RNF168: variants seen among roughly 807,000 people sequenced by gnomAD.
RNF168 encodes the protein ring finger protein 168.
In RNF168, 34 loss-of-function variants were observed where a neutral mutation model predicts 34.9. That is an observed-to-expected ratio of 0.97 (90% CI 0.74 to 1.30). The LOEUF (loss-of-function observed/expected upper bound fraction) is 1.30, where lower values mean the gene tolerates loss of function less well. Ranked by LOEUF, RNF168 falls within the 50% of genes most tolerant of loss-of-function variation. The pLI is 0.00. For synonymous variants in RNF168, 264 were observed against 254.7 expected (o/e 1.04, Z -0.35); for missense variants, 725 against 682.5 (o/e 1.06, Z -0.69).
chr3:196,485,613 A>G (rs1732404212), intron 3 of RNF168, among the ~76,000 whole-genome samples: 1 of 152,052 alleles, frequency 6.6e-6, no homozygotes, highest in Non-Finnish European at 1.5e-5. Context: ...AATGACTTTT[A>G]TTTAGTTTCC....
chr3:196,503,634 C>G lies in RNF168; in HGVS notation c.-461G>C, dbSNP rs1732962711. Reference sequence around the variant, plus strand: ...CAGCATAACTTCCGCTTTACCGCTGCTGCGGGGGAGACGCGCGACTCCCGT... The same window carrying G: ...CAGCATAACTTCCGCTTTACCGCTGGTGCGGGGGAGACGCGCGACTCCCGT... On this transcript the variant is annotated 5_prime_UTR_variant, in exon 1 of 6. Coordinates refer to ENST00000318037, the MANE Select transcript of RNF168 (RefSeq NM_152617.4). The G allele has an allele frequency of 1.8e-5, 4 of 220,314 alleles. No individual in the cohort carries two copies. The highest frequency in any genetic ancestry group is 3.7e-5 in the Non-Finnish European group (4 of 107,358). 13.6% of individuals were successfully genotyped at this position (220,314 alleles called of 1,614,324 possible).
chr3:196,483,496 C>A (rs9877313), intron 4 of RNF168, among the ~76,000 whole-genome samples: 3,259 of 152,140 alleles, frequency 0.021, 121 homozygotes, highest in African/African-American at 0.075. Context: ...GAATTTAAAC[C>A]AAGAGAAAGA....
rs183855334 is a variant in RNF168 at position 196,474,163 on chromosome 3, T to A, written c.762+1068A>T. ...TTTTTTTTGAGGTGGAGTCTCACTCTGTCATCCAGGCTGGAGTGCAATGGC... is the reference window on the plus strand; with the variant it reads ...TTTTTTTTGAGGTGGAGTCTCACTCAGTCATCCAGGCTGGAGTGCAATGGC... On this transcript the variant is annotated intron_variant, in intron 5 of 5. Transcript: ENST00000318037. Among the ~76,000 whole-genome samples the A allele has an allele frequency of 8.7e-3, 1,293 of 148,270 alleles. 9 individuals are homozygous for A. Among genetic ancestry groups the A allele is most frequent in the Non-Finnish European group, 0.014 (973 of 67,426 alleles).
At chr3:196,495,176 C>T (rs930457820) in intron 1 of RNF168, among the ~76,000 whole-genome samples, 7 of 150,036 alleles carry the variant, frequency 4.7e-5, no homozygotes, top group Admixed American at 4.7e-4. Context: ...CATTGCCTTT[C>T]GTGTGTGTGT....
At chr3:196,499,831 G>A (rs1732835380) in intron 1 of RNF168, among the ~76,000 whole-genome samples, 1 of 152,176 alleles carries the variant, frequency 6.6e-6, no homozygotes, top group Admixed American at 6.5e-5. Context: ...GAATGAATGA[G>A]CACAGGATTT....
intron 1 of RNF168, among the ~76,000 whole-genome samples, chr3:196,490,050 G>A (rs989927296): frequency 3.9e-5 from 6 of 152,158 alleles, no homozygotes; most frequent in Admixed American, 1.3e-4. Context: ...TGAACTCAAC[G>A]TCTGCCCATC....
chr3:196,486,194 A>G (rs1732416749), intron 3 of RNF168, among the ~76,000 whole-genome samples: 1 of 152,240 alleles, frequency 6.6e-6, no homozygotes, highest in Non-Finnish European at 1.5e-5. Flanking sequence ...TGTGATTTAC[A>G]TCCATAAAAT....
rs1732037042 is a variant in RNF168, at chr3:196,472,573, T to C, written c.962A>G (p.His321Arg). The change falls in exon 6 of 6, where the codon CAT becomes CGT. Residue 321 changes from histidine (H) to arginine (R), a missense_variant. Physicochemically the swap from His to Arg is conservative, Grantham distance 29. Transcript: ENST00000318037. ...ACTTAAGACACATAACTCTTTCCCA[T>C]GATTGCTTGGTCTTGTTTTGACGTT... is the stretch of plus-strand genomic sequence containing the variant. ...EGNVKTRPSNHGKELCVLSHE... is the reference protein window; with the variant it reads ...EGNVKTRPSNRGKELCVLSHE... 3 of 1,614,110 alleles carry C rather than the reference T, an allele frequency of 1.9e-6. No individual in the cohort carries two copies. Among genetic ancestry groups the C allele is most frequent in the Non-Finnish European group, 1.7e-6 (2 of 1,180,050 alleles).
chr3:196,497,194 G>A (rs1433610785), intron 1 of RNF168, among the ~76,000 whole-genome samples: 6 of 152,082 alleles, frequency 3.9e-5, no homozygotes, highest in South Asian at 2.1e-4. Flanking sequence ...TCAAGACAGT[G>A]TGACACTAAT....
At chr3:196,475,542 A>C (rs1003805806) in intron 4 of RNF168, 5 of 465,042 alleles carry the variant, frequency 1.1e-5, no homozygotes, top group South Asian at 2.3e-5. Context: ...GTCAAATCTA[A>C]ATATTTTTTC....
At chr3:196,479,926 T>C (rs1299819989) in intron 4 of RNF168, among the ~76,000 whole-genome samples, 2 of 152,158 alleles carry the variant, frequency 1.3e-5, no homozygotes, top group Admixed American at 6.6e-5. Context: ...TCTTAAGATC[T>C]TTCCAAGTCT....
Position 196,479,381 on chromosome 3 carries a change from G to A in RNF168, c.681-4069C>T, listed in dbSNP as rs373453698. Among the ~76,000 whole-genome samples, 8 of 151,848 alleles carry A rather than the reference G, an allele frequency of 5.3e-5. No individual in the cohort carries two copies. In the East Asian group the frequency reaches 9.7e-4, roughly 18 times the overall value. On this transcript the variant is annotated intron_variant, in intron 4 of 5. Transcript: ENST00000318037. Reference sequence around the variant, plus strand: ...GTGCAGTAGCACCATCATAGCTCACGGCAGCCTTGACCTCCCAGGTTCACG... The same window carrying A: ...GTGCAGTAGCACCATCATAGCTCACAGCAGCCTTGACCTCCCAGGTTCACG...
rs1577507035 is a variant in RNF168, at chr3:196,472,412, C to T, written c.1123G>A (p.Glu375Lys). 6.2e-7 allele frequency: 1 copy of T among 1,613,498 alleles called. No homozygotes were observed. ...NGNNTGETEN[E>K]ESCLLISKEI... is the part of the protein sequence containing the mutation. Reference sequence around the variant, plus strand: ...TTACTGATCAGTAGGCACGACTCTTCATTTTCTGTCTCACCTGTGTTGTTT... The same window carrying T: ...TTACTGATCAGTAGGCACGACTCTTTATTTTCTGTCTCACCTGTGTTGTTT... Residue 375 changes from glutamate to lysine, a missense_variant, in exon 6 of 6, where the codon GAA (glutamate) becomes AAA (lysine). Physicochemically the swap from Glu to Lys is moderately conservative, Grantham distance 56 (BLOSUM62 1). Transcript: ENST00000318037.
At chr3:196,484,824 T>G (rs1486870750) in intron 3 of RNF168, among the ~76,000 whole-genome samples, 1 of 152,098 alleles carries the variant, frequency 6.6e-6, no homozygotes, top group Non-Finnish European at 1.5e-5. Flanking sequence ...AGCTACTTTT[T>G]TTTAAATGCT....
chr3:196,495,256 T>C (rs1732712417), intron 1 of RNF168, among the ~76,000 whole-genome samples: 1 of 152,160 alleles, frequency 6.6e-6, no homozygotes, highest in Non-Finnish European at 1.5e-5. Context: ...CGTGTCCACC[T>C]CATAAGAGAT....
At chr3:196,494,375 C>T (rs930549068) in intron 1 of RNF168, among the ~76,000 whole-genome samples, 1 of 152,118 alleles carries the variant, frequency 6.6e-6, no homozygotes, top group Non-Finnish European at 1.5e-5. Context: ...GCGGCCAGGA[C>T]TCATTTAAGG....
At chr3:196,494,108 C>CA (rs35523137) in intron 1 of RNF168, among the ~76,000 whole-genome samples, 70,363 of 151,862 alleles carry the variant, frequency 0.46, 17,625 homozygotes, top group East Asian at 0.71. Context: ...CTTGAACTCT[C>CA]AAGTACTGAG....
intron 1 of RNF168, among the ~76,000 whole-genome samples, chr3:196,499,536 A>C (rs572299151): frequency 7.2e-5 from 11 of 152,246 alleles, no homozygotes; most frequent in Non-Finnish European, 1.6e-4. Context: ...ATAAAAACTA[A>C]AACAGCCCGG....
Position 196,500,820 on chromosome 3 carries a change from T to G in RNF168, c.301+2053A>C, listed in dbSNP as rs551412662. Among the ~76,000 whole-genome samples, 3 of 152,108 alleles carry G rather than the reference T, an allele frequency of 2.0e-5. No homozygotes were observed. The South Asian group carries it at 6.2e-4, about 32-fold the overall frequency. ...TCCGCCTCCCGGGTTCACGCCATTC[T>G]CCGGCCTCAGCCTCCCGAGTAGCTG... On this transcript the variant is annotated intron_variant, in intron 1 of 5. Transcript: ENST00000318037.
Sources: allele counts gnomAD v4.1 joint callset (sites outside exome capture counted in the v4.1 genomes callset), GRCh38; gene constraint gnomAD v4.1.1; transcripts MANE v1.5; gene names NCBI Gene and HGNC (gene_info 2026-07-23, HGNC 2026-07-21).